TOM1L2: variants seen among roughly 807,000 people sequenced by gnomAD.
TOM1L2 encodes the protein target of myb1 like 2 membrane trafficking protein.
Under a neutral mutation model 67.9 loss-of-function variants are expected in TOM1L2, and 31 were observed. That is an observed-to-expected ratio of 0.46 (90% confidence interval 0.34 to 0.62). TOM1L2 has a LOEUF of 0.62. Among genes scored for constraint, TOM1L2 ranks in the 20% least tolerant of loss-of-function variants. The pLI is 0.01. For synonymous variants in TOM1L2, 256 were observed against 254.0 expected (o/e 1.01, Z -0.07); for missense variants, 606 against 663.5 (o/e 0.91, Z 0.95).
At chr17:17,925,023 C>T (rs952649974) in intron 1 of TOM1L2, among the ~76,000 whole-genome samples, 1 of 152,142 alleles carries the variant, frequency 6.6e-6, no homozygotes, top group Admixed American at 6.6e-5. Context: ...CTCCCTCCTC[C>T]ACTCTCTCTC....
chr17:17,890,414 T>C (rs2038215836), intron 4 of TOM1L2, among the ~76,000 whole-genome samples: 1 of 152,210 alleles, frequency 6.6e-6, no homozygotes, highest in Non-Finnish European at 1.5e-5. Context: ...CAACTTAATA[T>C]ATTCCCATTA....
chr17:17,866,224 A>AAG, intron 10 of TOM1L2, 72 bp downstream of exon 10: 1 of 1,500,786 alleles, frequency 6.7e-7, no homozygotes, highest in South Asian at 1.3e-5. Flanking sequence ...CCAAGAAAGA[A>AAG]AGAGAGGTGG....
At chr17:17,858,141 A>G (rs1238551570) in intron 12 of TOM1L2, 1 of 268,346 alleles carries the variant, frequency 3.7e-6, no homozygotes, top group Non-Finnish European at 7.0e-6. Flanking sequence ...GCTTCTCTCA[A>G]TTACGGCTAT....
At chr17:17,900,509 A>G (rs1449566622) in intron 2 of TOM1L2, among the ~76,000 whole-genome samples, 1 of 149,036 alleles carries the variant, frequency 6.7e-6, no homozygotes. Context: ...GTGACAGAGT[A>G]AGACTCCATC....
chr17:17,912,256 C>T (rs1240354372), intron 1 of TOM1L2, among the ~76,000 whole-genome samples: 16 of 151,292 alleles, frequency 1.1e-4, no homozygotes, highest in South Asian at 8.4e-4. Context: ...CCTCACCTCC[C>T]GGACGGGGCG....
intron 1 of TOM1L2, among the ~76,000 whole-genome samples, chr17:17,943,865 C>G (rs2040834097): frequency 6.6e-6 from 1 of 152,196 alleles, no homozygotes; most frequent in South Asian, 2.1e-4. Context: ...ATCCAGAGCC[C>G]AAGGTCTAGC....
intron 1 of TOM1L2, among the ~76,000 whole-genome samples, chr17:17,957,739 A>G (rs1052021457): frequency 7.3e-5 from 11 of 151,562 alleles, no homozygotes; most frequent in African/African-American, 2.7e-4. Flanking sequence ...CACAGGCTAT[A>G]CACACACACA....
intron 12 of TOM1L2, among the ~76,000 whole-genome samples, chr17:17,856,309 A>T (rs1036461121): frequency 1.3e-5 from 2 of 152,274 alleles, no homozygotes; most frequent in Non-Finnish European, 2.9e-5. Flanking sequence ...GGGCCAGCAC[A>T]TCTCTCTAAG....
At chr17:17,946,747 CAG>C (rs1935638399) in intron 1 of TOM1L2, among the ~76,000 whole-genome samples, 1 of 151,732 alleles carries the variant, frequency 6.6e-6, no homozygotes, top group African/African-American at 2.4e-5. Flanking sequence ...TTTTTTAAGA[CAG>C]AGTCTCACTC....
chr17:17,919,961 C>T (rs1431188386), intron 1 of TOM1L2, among the ~76,000 whole-genome samples: 1 of 152,108 alleles, frequency 6.6e-6, no homozygotes, highest in Non-Finnish European at 1.5e-5. Context: ...AGCAATACTG[C>T]CAACCACATG....
rs575366724 is a variant in TOM1L2, at chr17:17,956,617, C to T, written c.52+15645G>A. On this transcript the variant is annotated intron_variant, in intron 1 of 14. Coordinates refer to ENST00000379504, the MANE Select transcript of TOM1L2 (RefSeq NM_001082968.2). ...AGGGAGGCTCAGGCATGGTGAGCTGCAGGTCCAGAGTCCTGCCCCGCAGGG... is the reference window on the plus strand; with the variant it reads ...AGGGAGGCTCAGGCATGGTGAGCTGTAGGTCCAGAGTCCTGCCCCGCAGGG... 1.2e-4 allele frequency among the ~76,000 whole-genome samples: 19 copies of T among 152,346 alleles called. No individual in the cohort carries two copies. The South Asian group carries it at 3.7e-3, about 30-fold the overall frequency.
intron 1 of TOM1L2, among the ~76,000 whole-genome samples, chr17:17,958,114 A>G (rs2041539327): frequency 6.6e-6 from 1 of 151,970 alleles, no homozygotes; most frequent in African/African-American, 2.4e-5. Flanking sequence ...GAAAAGAAAA[A>G]CTAAAAGCCA....
chr17:17,971,058 G>A (rs1415411275), intron 1 of TOM1L2, among the ~76,000 whole-genome samples: 2 of 152,140 alleles, frequency 1.3e-5, no homozygotes, highest in African/African-American at 2.4e-5. Flanking sequence ...CCTTATCCAT[G>A]ATTCTGGCCA....
chr17:17,928,955 G>A (rs1198686474), intron 1 of TOM1L2, among the ~76,000 whole-genome samples: 1 of 152,218 alleles, frequency 6.6e-6, no homozygotes, highest in Non-Finnish European at 1.5e-5. Context: ...CAGACTTTCT[G>A]TCTAGATCCT....
At chr17:17,899,319 G>T (rs1165805166) in intron 2 of TOM1L2, among the ~76,000 whole-genome samples, 1 of 152,204 alleles carries the variant, frequency 6.6e-6, no homozygotes, top group Non-Finnish European at 1.5e-5. Context: ...CCTTTTCCCA[G>T]AGAAAGCTTA....
At chr17:17,921,167 C>A (rs2039851684) in intron 1 of TOM1L2, among the ~76,000 whole-genome samples, 1 of 152,194 alleles carries the variant, frequency 6.6e-6, no homozygotes, top group Non-Finnish European at 1.5e-5. Flanking sequence ...ACTTATTCTC[C>A]TGTCTGGAGA....
intron 2 of TOM1L2, among the ~76,000 whole-genome samples, chr17:17,901,606 A>G (rs146797713): frequency 1.2e-3 from 177 of 152,324 alleles, no homozygotes; most frequent in African/African-American, 4.2e-3. Flanking sequence ...ATCACCCCCA[A>G]GGAGGACATG....
intron 4 of TOM1L2, 147 bp downstream of exon 4, chr17:17,893,514 T>A (rs1009557410): frequency 1.8e-5 from 14 of 792,744 alleles, no homozygotes; most frequent in Non-Finnish European, 2.7e-5. Flanking sequence ...GGATGAGAAT[T>A]TTTTTTGAAG....
intron 7 of TOM1L2, among the ~76,000 whole-genome samples, chr17:17,870,768 G>A (rs2037109128): frequency 6.6e-6 from 1 of 152,160 alleles, no homozygotes; most frequent in Admixed American, 6.5e-5. Flanking sequence ...TTGAGGGGGT[G>A]TTACCATTTA....
Sources: allele counts gnomAD v4.1 joint callset (sites outside exome capture counted in the v4.1 genomes callset), GRCh38; gene constraint gnomAD v4.1.1; transcripts MANE v1.5; gene names NCBI Gene and HGNC (gene_info 2026-07-23, HGNC 2026-07-21).